TIAM1: variants seen among roughly 807,000 people sequenced by gnomAD.
TIAM1 encodes the protein rho guanine nucleotide exchange factor TIAM1.
In TIAM1, 65 loss-of-function variants were observed where a neutral mutation model predicts 163.5. The observed-to-expected ratio is 0.40, with a 90% confidence interval of 0.33 to 0.49. The LOEUF is 0.49. TIAM1 is among the 20% of genes least tolerant of loss of function. The pLI, the probability that TIAM1 is intolerant of heterozygous loss-of-function variation, is 0.77. For synonymous variants in TIAM1, 833 were observed against 810.1 expected (o/e 1.03, Z -0.48); for missense variants, 1,789 against 2,044.7 (o/e 0.87, Z 2.41).
Position 31,120,741 on chromosome 21 carries a change from T to C in TIAM1, c.4403A>G (p.Glu1468Gly), listed in dbSNP as rs766095680. ...ACCGGGGGGCTGCTGGGACTCTTTC[T>C]CCGGGCTGCTTGCGGAGACGGCATC... ...DSDAVSASSP[E>G]KESQQPPGGG... The change falls in exon 28 of 28, where the codon GAG becomes GGG. Residue 1468 changes from glutamate to glycine, a missense_variant. By Grantham distance (98) the Glu-to-Gly change is moderately conservative. This residue lies in a region of TIAM1 where 415 missense variants were observed against 439.2 expected (regional missense o/e 0.94). Coordinates refer to ENST00000541036, the MANE Select transcript of TIAM1 (RefSeq NM_001353694.2). The surrounding 1 kb of genome is among the most constrained non-coding windows in gnomAD (Gnocchi z 4.2). 40 of 1,613,968 alleles carry C rather than the reference T, an allele frequency of 2.5e-5. No homozygotes were observed. Among genetic ancestry groups the C allele is most frequent in the Non-Finnish European group, 3.1e-5 (37 of 1,180,008 alleles).
chr21:31,263,388 T>C (rs544967751), intron 4 of TIAM1, among the ~76,000 whole-genome samples: 7 of 152,322 alleles, frequency 4.6e-5, no homozygotes, highest in African/African-American at 1.7e-4. Flanking sequence ...CCAATGGCAC[T>C]TCCCATTACA....
At chr21:31,355,386 T>A (rs2076298840) in intron 2 of TIAM1, among the ~76,000 whole-genome samples, 1 of 152,130 alleles carries the variant, frequency 6.6e-6, no homozygotes, top group African/African-American at 2.4e-5. Flanking sequence ...CTTATGAAGG[T>A]AACCTTAGAC....
chr21:31,543,616 A>G (rs963256606), intron 1 of TIAM1, among the ~76,000 whole-genome samples: 2 of 152,212 alleles, frequency 1.3e-5, no homozygotes, highest in South Asian at 4.1e-4. Context: ...CCACACCTAG[A>G]AGAGGAGGTA....
intron 19 of TIAM1, among the ~76,000 whole-genome samples, chr21:31,148,669 C>A (rs1288043923): frequency 6.6e-6 from 1 of 152,136 alleles, no homozygotes; most frequent in Non-Finnish European, 1.5e-5. Context: ...CCTACCATAA[C>A]CACAGATGAA....
intron 15 of TIAM1, among the ~76,000 whole-genome samples, chr21:31,169,894 A>C (rs1356828834): frequency 2.6e-5 from 4 of 152,220 alleles, no homozygotes; most frequent in African/African-American, 9.6e-5. Flanking sequence ...TAATCATCTT[A>C]AAATTTTAAG....
At chr21:31,432,338 A>T (rs893813717) in intron 2 of TIAM1, among the ~76,000 whole-genome samples, 1 of 152,078 alleles carries the variant, frequency 6.6e-6, no homozygotes, top group South Asian at 2.1e-4. Context: ...TGACCTCATG[A>T]TCTGCCCGCC....
intron 6 of TIAM1, among the ~76,000 whole-genome samples, chr21:31,245,113 T>C (rs1186464432): frequency 6.6e-6 from 1 of 152,068 alleles, no homozygotes. Context: ...AAATAAAACT[T>C]TTTGACAGCT....
intron 2 of TIAM1, among the ~76,000 whole-genome samples, chr21:31,329,377 T>C (rs116615340): frequency 1.4e-3 from 217 of 152,336 alleles, no homozygotes; most frequent in African/African-American, 4.9e-3. Flanking sequence ...TCCTCGTAAC[T>C]GCTCACTTTC....
chr21:31,401,800 A>C (rs552818577), intron 2 of TIAM1, among the ~76,000 whole-genome samples: 119 of 151,998 alleles, frequency 7.8e-4, no homozygotes, highest in Non-Finnish European at 1.4e-3. Context: ...AACCCTAGCT[A>C]CTCAGGGGGC....
chr21:31,154,111 A>T, intron 17 of TIAM1, 136 bp downstream of exon 17: 1 of 986,862 alleles, frequency 1.0e-6, no homozygotes, highest in Non-Finnish European at 1.5e-6. Flanking sequence ...TTCAGAGTAT[A>T]GGCAAAATTC....
At chr21:31,466,122 A>G (rs2045523591) in intron 1 of TIAM1, among the ~76,000 whole-genome samples, 2 of 152,260 alleles carry the variant, frequency 1.3e-5, no homozygotes. Flanking sequence ...GACATTTTTT[A>G]CAAATGGTAA....
chr21:31,122,047 A>G (rs1215226922), intron 27 of TIAM1, among the ~76,000 whole-genome samples: 1 of 152,144 alleles, frequency 6.6e-6, no homozygotes, highest in African/African-American at 2.4e-5. Flanking sequence ...ATTACTGCCA[A>G]ATGCAGCCTT....
At chr21:31,483,713 G>C (rs1230204418) in intron 1 of TIAM1, among the ~76,000 whole-genome samples, 2 of 152,102 alleles carry the variant, frequency 1.3e-5, no homozygotes, top group Non-Finnish European at 2.9e-5. Flanking sequence ...CTTCATGACA[G>C]AGTCCGTGCA....
At chr21:31,154,521 G>T in intron 16 of TIAM1, 95 bp from the exon 17 acceptor site, 1 of 1,296,236 alleles carries the variant, frequency 7.7e-7, no homozygotes, top group African/African-American at 1.5e-5. Context: ...TCCCTGGTTA[G>T]TCAACTGTCA....
intron 2 of TIAM1, among the ~76,000 whole-genome samples, chr21:31,362,822 A>T (rs184033497): frequency 7.0e-4 from 106 of 152,062 alleles, no homozygotes; most frequent in Middle Eastern, 6.8e-3. Flanking sequence ...GGGAGCGCTC[A>T]CTCTCATTCT....
chr21:31,445,291 C>T (rs955616322), intron 2 of TIAM1, among the ~76,000 whole-genome samples: 4 of 152,132 alleles, frequency 2.6e-5, no homozygotes, highest in African/African-American at 9.7e-5. Context: ...TACTGTGCCC[C>T]TGCTGGCTTC....
chr21:31,358,498 G>A (rs12483720), intron 2 of TIAM1, among the ~76,000 whole-genome samples: 2,371 of 152,108 alleles, frequency 0.016, 22 homozygotes, highest in South Asian at 0.02. Context: ...CACTGTGCAC[G>A]TACACCCTCT....
chr21:31,242,871 A>C (rs939976675), intron 6 of TIAM1, among the ~76,000 whole-genome samples: 25 of 150,190 alleles, frequency 1.7e-4, no homozygotes, highest in African/African-American at 4.6e-4. Flanking sequence ...AAAAAAAAAA[A>C]AAAAAAAAGA....
intron 15 of TIAM1, among the ~76,000 whole-genome samples, chr21:31,180,522 T>TTTTC (rs369268257): frequency 6.4e-5 from 7 of 108,626 alleles, no homozygotes; most frequent in African/African-American, 1.5e-4. Flanking sequence ...TACCCACCTC[T>TTTTC]TTTTTTTTTT....
Sources: gnomAD v4.1 joint callset for allele counts (sites outside exome capture counted in the v4.1 genomes callset) on GRCh38, gnomAD v4.1.1 for gene constraint, gnomAD v4.1.1 regional missense constraint, Gnocchi (gnomAD v3.1) non-coding constraint, MANE v1.5 for transcripts, NCBI Gene and HGNC (gene_info 2026-07-23, HGNC 2026-07-21) for gene names.